The following ZFAND3 variants were observed in gnomAD, a reference collection of about 807,000 sequenced individuals.
The protein encoded by ZFAND3 is zinc finger AN1-type containing 3, also known as AN1-type zinc finger protein 3.
A neutral mutation model predicts 29.6 loss-of-function variants in ZFAND3; 10 were observed. The observed-to-expected ratio is 0.34, with a 90% CI of 0.21 to 0.57. The LOEUF (loss-of-function observed/expected upper bound fraction) is 0.57. ZFAND3 is among the 20% of genes least tolerant of loss of function. ZFAND3 has a pLI of 0.86. For missense variants in ZFAND3, 230 were observed against 304.5 expected (o/e 0.76, Z 1.82); for synonymous variants, 128 against 112.6 (o/e 1.14, Z -0.87).
chr6:38,091,612 A>G lies in ZFAND3; in HGVS notation c.361+9155A>G, dbSNP rs376155145. Among the ~76,000 whole-genome samples the G allele has an allele frequency of 4.0e-3, 608 of 151,028 alleles. 2 individuals are homozygous for G. Among genetic ancestry groups the G allele is most frequent in the African/African-American group, 0.014 (581 of 41,070 alleles). ...GCAGCCTTCCCAAAGCAGTCTTACC[A>G]GAAGGAGTGGGATAGAACAGCCACA... On this transcript the variant is annotated intron_variant, in intron 4 of 5. Transcript: ENST00000287218.
intron 2 of ZFAND3, among the ~76,000 whole-genome samples, chr6:38,042,303 C>T (rs1222529806): frequency 2.2e-5 from 3 of 139,046 alleles, no homozygotes; most frequent in African/African-American, 7.9e-5. Context: ...ATAACTCCTT[C>T]TTGAGCTTGC....
At chr6:38,010,252 G>C (rs1298938609) in intron 2 of ZFAND3, among the ~76,000 whole-genome samples, 1 of 152,146 alleles carries the variant, frequency 6.6e-6, no homozygotes, top group African/African-American at 2.4e-5. Context: ...AGCATGCATA[G>C]CTTTGGGATG....
At chr6:37,990,536 G>T (rs1411851355) in intron 2 of ZFAND3, among the ~76,000 whole-genome samples, 1 of 152,116 alleles carries the variant, frequency 6.6e-6, no homozygotes, top group Non-Finnish European at 1.5e-5. Flanking sequence ...CTGACCCAGT[G>T]CTGCTCAATA....
intron 1 of ZFAND3, among the ~76,000 whole-genome samples, chr6:37,842,551 TTCTC>T (rs1269482415): frequency 6.6e-6 from 1 of 152,198 alleles, no homozygotes; most frequent in Non-Finnish European, 1.5e-5. Context: ...TACAACCAGT[TTCTC>T]TATTCTCCTG....
At chr6:37,854,464 G>A (rs1764339565) in intron 1 of ZFAND3, among the ~76,000 whole-genome samples, 1 of 152,166 alleles carries the variant, frequency 6.6e-6, no homozygotes, top group African/African-American at 2.4e-5. Flanking sequence ...GATTGTTGGA[G>A]GTGGTGATGG....
Position 38,153,773 on chromosome 6 carries a change from G to A in ZFAND3, c.*1384G>A. ...GATCAGGATTCCCTTGAAAGCCCAG[G>A]CAGGGTGAGCAGTCCCAGTGGTCCT... On this transcript the variant is annotated 3_prime_UTR_variant, in exon 6 of 6. Coordinates refer to ENST00000287218, the MANE Select transcript of ZFAND3 (RefSeq NM_021943.3). 1 of 985,558 alleles carries A rather than the reference G, an allele frequency of 1.0e-6. No homozygotes were observed. The highest frequency in any genetic ancestry group is 1.2e-6 in the Non-Finnish European group (1 of 830,012). 61.1% of individuals were successfully genotyped at this position (985,558 alleles called of 1,614,324 possible). A position where few individuals can be genotyped will look rare whatever the true frequency, so the allele number is the denominator to read the frequency against.
chr6:37,846,855 G>A (rs751794113), intron 1 of ZFAND3, among the ~76,000 whole-genome samples: 3 of 151,992 alleles, frequency 2.0e-5, no homozygotes, highest in Non-Finnish European at 4.4e-5. Flanking sequence ...GGGACTACAG[G>A]CGCATGCCAC....
chr6:37,996,363 A>G (rs940954942), intron 2 of ZFAND3, among the ~76,000 whole-genome samples: 1 of 152,222 alleles, frequency 6.6e-6, no homozygotes, highest in African/African-American at 2.4e-5. Flanking sequence ...CTTGTTATGT[A>G]CTTATTTCTT....
intron 2 of ZFAND3, among the ~76,000 whole-genome samples, chr6:38,013,740 A>C (rs112309075): frequency 6.6e-6 from 1 of 150,976 alleles, no homozygotes; most frequent in Non-Finnish European, 1.5e-5. Flanking sequence ...AAAAAAAACA[A>C]AAAAAACCTC....
intron 2 of ZFAND3, among the ~76,000 whole-genome samples, chr6:37,957,228 A>G (rs1431336669): frequency 6.6e-6 from 1 of 152,152 alleles, no homozygotes; most frequent in Non-Finnish European, 1.5e-5. Flanking sequence ...TTTCTAGAAG[A>G]ACTATTCTAT....
chr6:37,823,795 TTTTTTTG>T (rs1763709441), intron 1 of ZFAND3, among the ~76,000 whole-genome samples: 3 of 151,892 alleles, frequency 2.0e-5, no homozygotes, highest in African/African-American at 7.3e-5. Context: ...TTTTTGTATT[TTTTTTTG>T]GGGGGGGGTA....
At chr6:38,123,051 A>G (rs1190268649) in intron 5 of ZFAND3, among the ~76,000 whole-genome samples, 2 of 152,252 alleles carry the variant, frequency 1.3e-5, no homozygotes, top group African/African-American at 2.4e-5. Context: ...GTGAGAAGCC[A>G]TCAATAGTTT....
At chr6:37,828,400 G>A (rs945221508) in intron 1 of ZFAND3, among the ~76,000 whole-genome samples, 1 of 152,166 alleles carries the variant, frequency 6.6e-6, no homozygotes, top group African/African-American at 2.4e-5. Flanking sequence ...TTTAATGGCA[G>A]CCCTTTCTAG....
chr6:37,991,565 C>A (rs1762759276), intron 2 of ZFAND3, among the ~76,000 whole-genome samples: 1 of 152,102 alleles, frequency 6.6e-6, no homozygotes, highest in Non-Finnish European at 1.5e-5. Flanking sequence ...GTTGGCCAGG[C>A]TGGTTACGAA....
intron 2 of ZFAND3, among the ~76,000 whole-genome samples, chr6:37,997,380 A>G (rs2127437947): frequency 6.6e-6 from 1 of 152,282 alleles, no homozygotes; most frequent in South Asian, 2.1e-4. Flanking sequence ...TAGCATTGTA[A>G]TGATAGAAGA....
intron 2 of ZFAND3, among the ~76,000 whole-genome samples, chr6:37,930,932 A>G (rs1483824572): frequency 3.3e-5 from 5 of 152,174 alleles, no homozygotes; most frequent in Non-Finnish European, 7.3e-5. Flanking sequence ...AATGAAGTCA[A>G]TGTTGATTTG....
In ZFAND3 at chr6:37,822,565, C is replaced by G. The variant is rs150836486; in HGVS notation, c.71+2549C>G. Among the ~76,000 whole-genome samples the G allele has an allele frequency of 5.9e-3, 899 of 152,110 alleles. 5 individuals are homozygous for G. Among genetic ancestry groups the G allele is most frequent in the Non-Finnish European group, 8.0e-3 (546 of 68,002 alleles). Reference sequence around the variant, plus strand: ...TGAATGCCTGTGATATAATGGTGGGCAAGGAGGTGCTGGCCCCATACTCTG... The same window carrying G: ...TGAATGCCTGTGATATAATGGTGGGGAAGGAGGTGCTGGCCCCATACTCTG... On this transcript the variant is annotated intron_variant, in intron 1 of 5. Transcript: ENST00000287218.
chr6:37,850,567 T>C (rs1422429975), intron 1 of ZFAND3, among the ~76,000 whole-genome samples: 1 of 152,112 alleles, frequency 6.6e-6, no homozygotes, highest in Non-Finnish European at 1.5e-5. Flanking sequence ...TACCACTGTG[T>C]CACAGTGGCC....
intron 5 of ZFAND3, among the ~76,000 whole-genome samples, chr6:38,143,991 A>G (rs1415829981): frequency 6.6e-6 from 1 of 151,764 alleles, no homozygotes; most frequent in Non-Finnish European, 1.5e-5. Context: ...TGCCTTGGGC[A>G]TTGGGTCACC....
Sources: allele counts gnomAD v4.1 joint callset (sites outside exome capture counted in the v4.1 genomes callset), GRCh38; gene constraint gnomAD v4.1.1; transcripts MANE v1.5; gene names NCBI Gene and HGNC (gene_info 2026-07-23, HGNC 2026-07-21).